Variants in OR6F1 observed in about 807,000 individuals in gnomAD.
The protein encoded by OR6F1 is olfactory receptor 6F1.
For missense variants in OR6F1, 346 were observed against 376.0 expected (o/e 0.92, Z 0.66); for synonymous variants, 144 against 150.0 (o/e 0.96, Z 0.29).
In OR6F1 at chr1:247,711,658, C is replaced by A; in HGVS notation, c.*171G>T. The stretch of plus-strand genomic sequence containing the variant: ...TCCCATTTGCTTATGTCAAAAACTC[C>A]CATTTTTATCATACATGATAATGTA... On this transcript the variant is annotated 3_prime_UTR_variant, in exon 3 of 3. Coordinates refer to ENST00000641470, the MANE Select transcript of OR6F1 (RefSeq NM_001005286.2). 1 of 503,204 alleles carries A rather than the reference C, an allele frequency of 2.0e-6. No homozygotes were observed. Among genetic ancestry groups the A allele is most frequent in the Non-Finnish European group, 3.5e-6 (1 of 287,332 alleles). 31.2% of individuals were successfully genotyped at this position (503,204 alleles called of 1,614,324 possible). A position where few individuals can be genotyped will look rare whatever the true frequency, so the allele number is the denominator to read the frequency against.
In OR6F1 at chr1:247,712,443, A is replaced by G. The variant is rs145949526; in HGVS notation, c.313T>C (p.Phe105Leu). The change falls in exon 3 of 3, where the codon TTC (phenylalanine) becomes CTC (leucine). Residue 105 changes from phenylalanine to leucine, a missense_variant. By Grantham distance (22) the Phe-to-Leu change is conservative. Transcript: ENST00000641470. ...TSCLLQMYFV[F>L]SLGCTEYFLL... ...AAGTACTCTGTGCAGCCTAATGAGA[A>G]AACAAAGTACATCTGCAAAAGACAG... The G allele has an allele frequency of 1.1e-4, 185 of 1,614,030 alleles. No individual in the cohort carries two copies. Among genetic ancestry groups the G allele is most frequent in the Non-Finnish European group, 1.5e-4 (180 of 1,179,962 alleles).
chr1:247,716,156 G>A (rs1378944042), intron 1 of OR6F1, among the ~76,000 whole-genome samples, 175 bp downstream of exon 1: 1 of 152,060 alleles, frequency 6.6e-6, no homozygotes, highest in East Asian at 1.9e-4. Flanking sequence ...GGGAGCCTGA[G>A]GCAGGAGAAT....
At chr1:247,714,709 T>A (rs1228787592) in intron 1 of OR6F1, among the ~76,000 whole-genome samples, 1 of 152,048 alleles carries the variant, frequency 6.6e-6, no homozygotes, top group Non-Finnish European at 1.5e-5. Flanking sequence ...TTCATTACCC[T>A]AATACAGAAA....
chr1:247,711,868 T>G lies in OR6F1; in HGVS notation c.888A>C (p.Glu296Asp), dbSNP rs368297609. The G allele has an allele frequency of 1.5e-5, 25 of 1,613,644 alleles. No homozygotes were observed. The African/African-American group carries it at 3.2e-4, about 21-fold the overall frequency. ...NPFIYTLRNKEVRETLLKKWK... is the reference protein window; with the variant it reads ...NPFIYTLRNKDVRETLLKKWK... ...ATTTCTTCAGCAGAGTCTCTCTTAC[T>G]TCCTTATTACGAAGCGTATAGATGA... Residue 296 changes from glutamate (E) to aspartate (D), a missense_variant, in exon 3 of 3, where the codon GAA (glutamate) becomes GAC (aspartate). Coordinates refer to ENST00000641470, the MANE Select transcript of OR6F1 (RefSeq NM_001005286.2).
At chr1:247,715,441 G>T (rs1189425035) in intron 1 of OR6F1, among the ~76,000 whole-genome samples, 1 of 152,094 alleles carries the variant, frequency 6.6e-6, no homozygotes, top group Non-Finnish European at 1.5e-5. Flanking sequence ...ATTATGAAAT[G>T]ACATTTTTGT....
At chr1:247,715,298 T>G (rs764943535) in intron 1 of OR6F1, among the ~76,000 whole-genome samples, 2 of 152,226 alleles carry the variant, frequency 1.3e-5, no homozygotes, top group Non-Finnish European at 2.9e-5. Context: ...AAAGCTAGTA[T>G]GAAATAATTC....
At chr1:247,713,818 T>C (rs1479235022) in intron 2 of OR6F1, 73 bp downstream of exon 2, 2 of 398,082 alleles carry the variant, frequency 5.0e-6, no homozygotes, top group Admixed American at 4.4e-5. Context: ...CTACTGCATG[T>C]ATCCACTGTC....
intron 1 of OR6F1, among the ~76,000 whole-genome samples, chr1:247,715,794 G>A (rs902144503): frequency 6.6e-6 from 1 of 152,006 alleles, no homozygotes; most frequent in African/African-American, 2.4e-5. Flanking sequence ...TCTTACATCT[G>A]AAAAATAATT....
chr1:247,712,949 A>C, intron 2 of OR6F1, 132 bp from the exon 3 acceptor site: 1 of 501,782 alleles, frequency 2.0e-6, no homozygotes, highest in East Asian at 3.1e-5. Flanking sequence ...TATTTTAATG[A>C]AACAGTGAGA....
Position 247,713,941 on chromosome 1 carries a change from G to A in OR6F1, c.-113C>T. ...AAGCAGTGCTTCTCAAGCTCTAATG[G>A]GCACATGAATCACCTAAGGGTATTG... is the stretch of plus-strand genomic sequence containing the variant. On this transcript the variant is annotated 5_prime_UTR_variant, in exon 2 of 3. Transcript: ENST00000641470. 2.5e-6 allele frequency: 1 copy of A among 398,528 alleles called. No homozygotes were observed. The highest frequency in any genetic ancestry group is 4.4e-6 in the Non-Finnish European group (1 of 226,030). The allele number at this position is 398,528 out of a possible 1,614,324, so 24.7% of individuals were successfully genotyped here.
chr1:247,712,757 G>A lies in OR6F1; in HGVS notation c.-2C>T. The A allele has an allele frequency of 6.3e-7, 1 of 1,590,188 alleles. No individual in the cohort carries two copies. The highest frequency in any genetic ancestry group is 8.5e-7 in the Non-Finnish European group (1 of 1,171,348). On this transcript the variant is annotated 5_prime_UTR_variant, in exon 3 of 3. Transcript: ENST00000641470. ...CAGAGTTTTGTTGCCTGTGTCCATT[G>A]TGGTACTGAAACCAGAAAACAGAGT...
chr1:247,715,253 G>A (rs898065379), intron 1 of OR6F1, among the ~76,000 whole-genome samples: 2 of 152,120 alleles, frequency 1.3e-5, no homozygotes, highest in African/African-American at 4.8e-5. Flanking sequence ...TTTAATTTAT[G>A]TTCCAATAGA....
intron 1 of OR6F1, among the ~76,000 whole-genome samples, chr1:247,714,949 A>G (rs78569652): frequency 0.035 from 5,273 of 152,240 alleles, 314 homozygotes; most frequent in African/African-American, 0.12. Flanking sequence ...TTTAAAGGTC[A>G]TCAGGGAGCA....
rs150409826 is a variant in OR6F1 at position 247,712,027 on chromosome 1, C to T, written c.729G>A (p.Ser243=). 1.2e-5 allele frequency: 19 copies of T among 1,614,084 alleles called. No homozygotes were observed. In the African/African-American group the frequency reaches 1.6e-4, roughly 14 times the overall value. Residue 243 remains serine (S), a synonymous_variant, in exon 3 of 3, where the codon TCG becomes TCA. Transcript: ENST00000641470. ...ACCAAATGAGCACCACGGTGAGATG[C>T]GAGGAGCACGTGGAGAAGGCTTTGC... The part of the protein sequence containing the change: ...GRSKAFSTCS[S]HLTVVLIWYG...
At position 247,711,685 on chromosome 1, in the gene OR6F1, A is replaced by G; in HGVS notation, c.*144T>C. On this transcript the variant is annotated 3_prime_UTR_variant, in exon 3 of 3. Transcript: ENST00000641470. ...ATTTTTATCATACATGATAATGTAT[A>G]GAAAATACAGTATTGCTTGTTTTGT... 1 of 602,738 alleles carries G rather than the reference A, an allele frequency of 1.7e-6. No individual in the cohort carries two copies. Among genetic ancestry groups the G allele is most frequent in the Non-Finnish European group, 2.9e-6 (1 of 342,106 alleles). The allele number at this position is 602,738 out of a possible 1,614,324, so 37.3% of individuals were successfully genotyped here. A position where few individuals can be genotyped will look rare whatever the true frequency, so the allele number is the denominator to read the frequency against.
In OR6F1 at chr1:247,711,582, C is replaced by A; in HGVS notation, c.*247G>T. The A allele has an allele frequency of 3.1e-6, 1 of 321,188 alleles. No homozygotes were observed. Among genetic ancestry groups the A allele is most frequent in the East Asian group, 5.5e-5 (1 of 18,024 alleles). 19.9% of individuals were successfully genotyped at this position (321,188 alleles called of 1,614,324 possible). A position where few individuals can be genotyped will look rare whatever the true frequency, so the allele number is the denominator to read the frequency against. The stretch of plus-strand genomic sequence containing the variant: ...TTGCAGATGTCTCTAATTTATAAAC[C>A]AAAGTCCAGAGCAAACCTAATTCAA... On this transcript the variant is annotated 3_prime_UTR_variant, in exon 3 of 3. Coordinates refer to ENST00000641470, the MANE Select transcript of OR6F1 (RefSeq NM_001005286.2).
rs1660108195 is a variant in OR6F1 at position 247,716,533 on chromosome 1, A to G, written c.-329T>C. On this transcript the variant is annotated 5_prime_UTR_variant, in exon 1 of 3. Transcript: ENST00000641470. ...GTTGACATCCATTACTCCTTTATTA[A>G]CTCAAACTTTCATAATCTTTGAAAT... is the stretch of plus-strand genomic sequence containing the variant. 1 of 151,744 alleles carries G rather than the reference A, an allele frequency of 6.6e-6. No individual in the cohort carries two copies. The highest frequency in any genetic ancestry group is 1.5e-5 in the Non-Finnish European group (1 of 67,960). 9.4% of individuals were successfully genotyped at this position (151,744 alleles called of 1,614,324 possible).
intron 1 of OR6F1, among the ~76,000 whole-genome samples, chr1:247,714,312 T>C (rs2103191297): frequency 6.6e-6 from 1 of 152,296 alleles, no homozygotes; most frequent in South Asian, 2.1e-4. Context: ...TCTAGGGTCT[T>C]ATCATCCTAG....
chr1:247,714,369 C>T (rs1416105), intron 1 of OR6F1, among the ~76,000 whole-genome samples: 7,897 of 152,224 alleles, frequency 0.052, 276 homozygotes, highest in Middle Eastern at 0.12. Flanking sequence ...TTAAATAACC[C>T]TTATATTCCA....
Sources: allele counts gnomAD v4.1 joint callset (sites outside exome capture counted in the v4.1 genomes callset), GRCh38; gene constraint gnomAD v4.1.1; transcripts MANE v1.5; gene names NCBI Gene and HGNC (gene_info 2026-07-23, HGNC 2026-07-21).